The following NF2 variants were observed in gnomAD, a reference collection of about 807,000 sequenced individuals.
NF2 encodes merlin.
Under a neutral mutation model 83.7 loss-of-function variants are expected in NF2, and 8 were observed. The observed-to-expected ratio is 0.10, with a 90% CI of 0.06 to 0.17. The LOEUF is 0.17. Ranked by LOEUF, NF2 falls within the 10% of genes least tolerant of loss-of-function variation. The probability of loss-of-function intolerance (pLI) is 1.00; values close to 1 mark genes in which losing one functional copy is unlikely to be tolerated. For synonymous variants in NF2, 266 were observed against 269.6 expected, an observed-to-expected ratio of 0.99 and a Z score of 0.13; for missense variants, 533 against 744.4, an observed-to-expected ratio of 0.72 and a Z score of 3.31.
rs942280483 is a variant in NF2, at chr22:29,603,867, G to A, written c.-132G>A. On this transcript the variant is annotated 5_prime_UTR_variant, in exon 1 of 16. Transcript: ENST00000338641. ...ATGCTGGCCGCTGGGGACCCGCGCA[G>A]CCCAGACCGTTCCCGGGCCGGGCAG... 5 of 684,242 alleles carry A rather than the reference G, an allele frequency of 7.3e-6. No homozygotes were observed. The highest frequency in any genetic ancestry group is 8.0e-4 in the Middle Eastern group (2 of 2,512). The allele number at this position is 684,242 out of a possible 1,614,324, so 42.4% of individuals were successfully genotyped here. A position where few individuals can be genotyped will look rare whatever the true frequency, so the allele number is the denominator to read the frequency against.
chr22:29,643,891 C>T (rs1298832149), intron 4 of NF2, among the ~76,000 whole-genome samples: 58 of 151,392 alleles, frequency 3.8e-4, no homozygotes, highest in African/African-American at 1.3e-3. Context: ...CCCTCACCTC[C>T]CGGATGGGGC....
intron 12 of NF2, among the ~76,000 whole-genome samples, 169 bp downstream of exon 12, chr22:29,673,655 G>C (rs2066876535): frequency 6.6e-6 from 1 of 152,172 alleles, no homozygotes; most frequent in Non-Finnish European, 1.5e-5. Context: ...ATCCATTTTG[G>C]GGCTGGCGCT....
At chr22:29,663,522 C>T (rs550063233) in intron 8 of NF2, among the ~76,000 whole-genome samples, 8 of 152,214 alleles carry the variant, frequency 5.3e-5, no homozygotes, top group East Asian at 1.9e-4. Flanking sequence ...TCTTTGTGTA[C>T]GCCCTGGCAT....
chr22:29,630,804 G>A (rs1328994826), intron 1 of NF2, among the ~76,000 whole-genome samples: 5 of 152,334 alleles, frequency 3.3e-5, no homozygotes, highest in Non-Finnish European at 5.9e-5. Flanking sequence ...CGTGGAAAGC[G>A]ATGGGGTTAA....
At chr22:29,682,925 C>A in intron 15 of NF2, 1 of 1,434,526 alleles carries the variant, frequency 7.0e-7, no homozygotes, top group Non-Finnish European at 9.8e-7. Context: ...ATCACGATTT[C>A]AGGCCTATCC....
At chr22:29,658,050 G>A (rs117536234) in intron 6 of NF2, 139 bp from the exon 7 acceptor site, 18 of 737,310 alleles carry the variant, frequency 2.4e-5, no homozygotes, top group Admixed American at 1.0e-4. Flanking sequence ...AGCTTTGCTG[G>A]TGTCTGCTGT....
At chr22:29,643,556 AT>A (rs2065875278) in intron 4 of NF2, among the ~76,000 whole-genome samples, 1 of 152,200 alleles carries the variant, frequency 6.6e-6, no homozygotes, top group Non-Finnish European at 1.5e-5. Context: ...CCCTTAATCC[AT>A]TTAACCCTGA....
chr22:29,678,289 A>G lies in NF2; in HGVS notation c.1540A>G (p.Met514Val), dbSNP rs201527155. ...SLSFDFKDTD[M>V]KRLSMEIEKE... is the part of the protein sequence containing the mutation. ...GTCTTTCGACTTCAAAGATACTGACATGAAGCGGCTTTCCATGGAGATAGA... is the reference window on the plus strand; with the variant it reads ...GTCTTTCGACTTCAAAGATACTGACGTGAAGCGGCTTTCCATGGAGATAGA... Residue 514 changes from methionine (M) to valine (V), a missense_variant, in exon 14 of 16, where the codon ATG becomes GTG. This residue lies in a region of NF2 where 199 missense variants were observed against 240.7 expected (regional missense o/e 0.83). Transcript: ENST00000338641. 192 of 1,614,122 alleles carry G rather than the reference A, an allele frequency of 1.2e-4. 1 individual carries two copies. Among genetic ancestry groups the G allele is most frequent in the Non-Finnish European group, 1.4e-4 (163 of 1,179,970 alleles).
chr22:29,618,449 TC>T (rs2065131372), intron 1 of NF2, among the ~76,000 whole-genome samples: 1 of 143,274 alleles, frequency 7.0e-6, no homozygotes, highest in South Asian at 2.5e-4. Flanking sequence ...AGACTTTTTT[TC>T]TTTTTACTGC....
chr22:29,685,174 C>G (rs1438012158), intron 15 of NF2, among the ~76,000 whole-genome samples: 1 of 151,930 alleles, frequency 6.6e-6, no homozygotes, highest in Non-Finnish European at 1.5e-5. Context: ...CTGGTACATT[C>G]TCGGCTCACT....
rs758788881 is a variant in NF2, at chr22:29,681,426, C to T, written c.1575-13C>T. ...TGCCCAAGCCCTGATGCATGATACC[C>T]TCTTGCCGGCAGAGTGGAATACATG... On this transcript the variant is annotated splice_polypyrimidine_tract_variant and intron_variant, in intron 14 of 15. Coordinates refer to ENST00000338641, the MANE Select transcript of NF2 (RefSeq NM_000268.4). The T allele has an allele frequency of 3.1e-5, 50 of 1,613,520 alleles. No individual in the cohort carries two copies. Among genetic ancestry groups the T allele is most frequent in the Non-Finnish European group, 4.1e-5 (48 of 1,179,758 alleles).
At chr22:29,692,722 A>C (rs903013089) in intron 15 of NF2, among the ~76,000 whole-genome samples, 1 of 152,074 alleles carries the variant, frequency 6.6e-6, no homozygotes, top group Non-Finnish European at 1.5e-5. Flanking sequence ...CCTGCTCCCC[A>C]CTGGAAGGAG....
chr22:29,612,719 C>T (rs1001376463), intron 1 of NF2, among the ~76,000 whole-genome samples: 3 of 151,962 alleles, frequency 2.0e-5, no homozygotes, highest in Non-Finnish European at 4.4e-5. Context: ...TAAGACATAA[C>T]GTTGTCAAAT....
chr22:29,693,530 C>T (rs1320733487), intron 15 of NF2, among the ~76,000 whole-genome samples: 1 of 152,184 alleles, frequency 6.6e-6, no homozygotes, highest in East Asian at 1.9e-4. Context: ...ACCGAGGACT[C>T]TTCACATGCA....
At chr22:29,614,749 CT>C (rs1265933779) in intron 1 of NF2, among the ~76,000 whole-genome samples, 2 of 151,912 alleles carry the variant, frequency 1.3e-5, no homozygotes, top group Non-Finnish European at 2.9e-5. Context: ...CAAAAAAAAG[CT>C]TAAAATGGAT....
chr22:29,657,504 G>C (rs2066347111), intron 6 of NF2, among the ~76,000 whole-genome samples: 1 of 152,156 alleles, frequency 6.6e-6, no homozygotes, highest in South Asian at 2.1e-4. Context: ...ACCAACACTT[G>C]GCGTTCTCTC....
chr22:29,634,414 C>T (rs2065594543), intron 1 of NF2, among the ~76,000 whole-genome samples: 1 of 152,192 alleles, frequency 6.6e-6, no homozygotes, highest in Admixed American at 6.5e-5. Flanking sequence ...GAAGGGAATA[C>T]AGGAAAACTG....
chr22:29,651,823 C>T (rs2066155979), intron 4 of NF2, among the ~76,000 whole-genome samples: 1 of 152,200 alleles, frequency 6.6e-6, no homozygotes, highest in African/African-American at 2.4e-5. Context: ...CCTGAATTTA[C>T]AGCTTTAACT....
Position 29,695,948 on chromosome 22 carries a change from A to G in NF2, c.*1146A>G. On this transcript the variant is annotated 3_prime_UTR_variant, in exon 16 of 16. Coordinates refer to ENST00000338641, the MANE Select transcript of NF2 (RefSeq NM_000268.4). The surrounding 1 kb of genome is among the most constrained non-coding windows in gnomAD (Gnocchi z 5.4). ...CAGCACAGGCCTGATGCAGGTGTCC[A>G]CTCACAGGTGGCGCTCACCTAGGCT... 2 of 229,392 alleles carry G rather than the reference A, an allele frequency of 8.7e-6. No homozygotes were observed. The highest frequency in any genetic ancestry group is 1.7e-5 in the Non-Finnish European group (2 of 117,066). The allele number at this position is 229,392 out of a possible 1,614,324, so 14.2% of individuals were successfully genotyped here.
Sources: gnomAD v4.1 joint callset for allele counts (sites outside exome capture counted in the v4.1 genomes callset) on GRCh38, gnomAD v4.1.1 for gene constraint, gnomAD v4.1.1 regional missense constraint, Gnocchi (gnomAD v3.1) non-coding constraint, MANE v1.5 for transcripts, NCBI Gene and HGNC (gene_info 2026-07-23, HGNC 2026-07-21) for gene names.